CDK8: variants seen among roughly 807,000 people sequenced by gnomAD.
CDK8 encodes the protein cyclin dependent kinase 8, also known as cyclin-dependent kinase 8.
CDK8 carries 29 observed loss-of-function variants against 71.5 expected under a neutral mutation model. The ratio of observed to expected loss-of-function variants is 0.41; its 90% CI spans 0.30 to 0.55. The LOEUF (loss-of-function observed/expected upper bound fraction) is 0.55. CDK8 is among the 20% of genes least tolerant of loss of function. The pLI is 0.37. For synonymous variants in CDK8, 161 were observed against 192.1 expected (o/e 0.84, Z 1.34); for missense variants, 288 against 572.6 (o/e 0.50, Z 5.07).
intron 9 of CDK8, among the ~76,000 whole-genome samples, chr13:26,398,956 C>T (rs1446193144): frequency 7.6e-6 from 1 of 131,464 alleles, no homozygotes; most frequent in African/African-American, 2.8e-5. Flanking sequence ...AAGCAAGACT[C>T]TATCTCAAAA....
chr13:26,393,248 A>T, intron 6 of CDK8, 119 bp from the exon 7 acceptor site: 1 of 616,254 alleles, frequency 1.6e-6, no homozygotes, highest in Non-Finnish European at 2.7e-6. Context: ...AGAAAAAAAC[A>T]CTCCCCAAGA....
intron 1 of CDK8, among the ~76,000 whole-genome samples, chr13:26,319,845 T>C (rs1874688154): frequency 6.6e-6 from 1 of 152,128 alleles, no homozygotes; most frequent in Non-Finnish European, 1.5e-5. Context: ...GTAATCAAAA[T>C]AATACGGTAC....
At chr13:26,330,714 T>C (rs1875275759) in intron 1 of CDK8, among the ~76,000 whole-genome samples, 2 of 152,186 alleles carry the variant, frequency 1.3e-5, no homozygotes, top group Non-Finnish European at 2.9e-5. Flanking sequence ...GCTTAAGCTA[T>C]TTCCACCATG....
intron 1 of CDK8, among the ~76,000 whole-genome samples, chr13:26,311,857 A>G (rs1438676223): frequency 6.6e-6 from 1 of 152,202 alleles, no homozygotes; most frequent in East Asian, 1.9e-4. Flanking sequence ...AGTCTGACCC[A>G]TTGTCTTTTG....
chr13:26,308,095 A>T (rs1387569339), intron 1 of CDK8, among the ~76,000 whole-genome samples: 1 of 152,224 alleles, frequency 6.6e-6, no homozygotes, highest in African/African-American at 2.4e-5. Context: ...AACAGTTGGT[A>T]CATTCGTAAA....
intron 4 of CDK8, among the ~76,000 whole-genome samples, chr13:26,356,684 T>G (rs947682645): frequency 1.5e-4 from 23 of 152,226 alleles, no homozygotes; most frequent in Non-Finnish European, 2.8e-4. Flanking sequence ...GTTTGAACAA[T>G]AGCTACATAT....
intron 1 of CDK8, among the ~76,000 whole-genome samples, chr13:26,274,084 G>A (rs1566466775): frequency 2.0e-5 from 3 of 152,086 alleles, no homozygotes. Context: ...TTTTGTTGCT[G>A]CATCTTTGTA....
chr13:26,283,149 CAG>C (rs1437877406), intron 1 of CDK8, among the ~76,000 whole-genome samples: 1 of 152,282 alleles, frequency 6.6e-6, no homozygotes, highest in East Asian at 1.9e-4. Context: ...GTCATCAAGA[CAG>C]AAAGTCAACA....
intron 1 of CDK8, among the ~76,000 whole-genome samples, chr13:26,295,899 A>G (rs1873536489): frequency 6.6e-6 from 1 of 152,132 alleles, no homozygotes; most frequent in African/African-American, 2.4e-5. Context: ...CAATCTTCGT[A>G]AGCATTAGAG....
At chr13:26,263,192 A>G (rs1017893756) in intron 1 of CDK8, among the ~76,000 whole-genome samples, 2 of 151,892 alleles carry the variant, frequency 1.3e-5, no homozygotes, top group Non-Finnish European at 1.5e-5. Flanking sequence ...CTGGAGTGCA[A>G]TGGCGCGATC....
intron 7 of CDK8, among the ~76,000 whole-genome samples, chr13:26,394,851 T>C (rs937237317): frequency 2.6e-5 from 4 of 152,052 alleles, no homozygotes; most frequent in African/African-American, 9.7e-5. Flanking sequence ...AGTAAGATGG[T>C]GGTAGGTAAA....
chr13:26,340,959 T>G (rs1425312492), intron 2 of CDK8, among the ~76,000 whole-genome samples: 1 of 152,196 alleles, frequency 6.6e-6, no homozygotes, highest in Non-Finnish European at 1.5e-5. Flanking sequence ...GTCTTATACA[T>G]TGTCAAAATT....
chr13:26,358,744 A>T (rs1874006455), intron 4 of CDK8, among the ~76,000 whole-genome samples: 1 of 152,238 alleles, frequency 6.6e-6, no homozygotes, highest in South Asian at 2.1e-4. Context: ...GAAGCAACCC[A>T]AGTGTCCATC....
intron 2 of CDK8, among the ~76,000 whole-genome samples, chr13:26,344,535 C>T (rs1200666057): frequency 6.6e-6 from 1 of 152,104 alleles, no homozygotes; most frequent in Admixed American, 6.5e-5. Context: ...CCGAGGTGGA[C>T]AGATAGATCA....
At chr13:26,387,219 G>T (rs1593305938) in intron 6 of CDK8, among the ~76,000 whole-genome samples, 1 of 152,090 alleles carries the variant, frequency 6.6e-6, no homozygotes. Flanking sequence ...TGATTTGTTT[G>T]TATTTTGCAG....
At chr13:26,380,141 T>C (rs992758838) in intron 4 of CDK8, among the ~76,000 whole-genome samples, 2 of 152,170 alleles carry the variant, frequency 1.3e-5, no homozygotes, top group South Asian at 2.1e-4. Flanking sequence ...CTGGACCTTA[T>C]GTAGGAGTGG....
rs766670117 is a variant in CDK8, at chr13:26,382,799, A to G, written c.457-15A>G. On this transcript the variant is annotated splice_polypyrimidine_tract_variant and intron_variant, in intron 4 of 12. Coordinates refer to ENST00000381527, the MANE Select transcript of CDK8 (RefSeq NM_001260.3). The stretch of plus-strand genomic sequence containing the variant: ...CTACTGTCTACTGAAAAAAAACACT[A>G]TTTTGTTTCCACAGAAACCTGCTAA... 4 of 1,569,960 alleles carry G rather than the reference A, an allele frequency of 2.5e-6. No individual in the cohort carries two copies. The highest frequency in any genetic ancestry group is 2.3e-5 in the East Asian group (1 of 44,372).
chr13:26,339,473 C>G (rs1470868498), intron 2 of CDK8, among the ~76,000 whole-genome samples: 3 of 151,886 alleles, frequency 2.0e-5, no homozygotes, highest in Admixed American at 6.6e-5. Context: ...GATTACTCTA[C>G]CTTTCTAGCA....
chr13:26,295,006 A>C (rs2137907546), intron 1 of CDK8, among the ~76,000 whole-genome samples: 1 of 152,280 alleles, frequency 6.6e-6, no homozygotes. Context: ...TCGGCCTCCC[A>C]AAGTGCTGGG....
Sources: allele counts gnomAD v4.1 joint callset (sites outside exome capture counted in the v4.1 genomes callset), GRCh38; gene constraint gnomAD v4.1.1; transcripts MANE v1.5; gene names NCBI Gene and HGNC (gene_info 2026-07-23, HGNC 2026-07-21).